MYO3B: variants seen among roughly 807,000 people sequenced by gnomAD.
MYO3B encodes the protein myosin-IIIb.
In MYO3B, 156 loss-of-function variants were observed where a neutral mutation model predicts 174.6. That is an observed-to-expected ratio of 0.89 (90% CI 0.78 to 1.02). MYO3B has a LOEUF of 1.02. Ranked by LOEUF, MYO3B falls within the 50% of genes least tolerant of loss-of-function variation. MYO3B has a pLI of 0.00. For missense variants in MYO3B, 1,632 were observed against 1,639.4 expected (o/e 1.00, Z 0.08); for synonymous variants, 563 against 569.1 (o/e 0.99, Z 0.15).
chr2:170,392,055 C>T (rs977514753), intron 15 of MYO3B, among the ~76,000 whole-genome samples: 5 of 144,412 alleles, frequency 3.5e-5, no homozygotes, highest in African/African-American at 1.3e-4. Flanking sequence ...CCTGGGAGGT[C>T]GAGGCTGCAG....
intron 32 of MYO3B, among the ~76,000 whole-genome samples, chr2:170,556,584 C>T (rs907131230): frequency 2.0e-5 from 3 of 152,110 alleles, no homozygotes; most frequent in African/African-American, 2.4e-5. Context: ...TACAATGGCA[C>T]GATCTTGGCT....
chr2:170,392,415 G>T lies in MYO3B; in HGVS notation c.1711G>T (p.Asp571Tyr), dbSNP rs371432418. The T allele has an allele frequency of 5.1e-5, 82 of 1,601,092 alleles. No individual in the cohort carries two copies. The highest frequency in any genetic ancestry group is 3.3e-4 in the Middle Eastern group (2 of 6,020). ...TGATGAAACTGGAAGGGTGATGCACGACATAACTTCCAAGGAGTCTTACAG... is the reference window on the plus strand; with the variant it reads ...TGATGAAACTGGAAGGGTGATGCACTACATAACTTCCAAGGAGTCTTACAG... ...IADETGRVMHDITSKESYRRQ... is the reference protein window; with the variant it reads ...IADETGRVMHYITSKESYRRQ... The change falls in exon 16 of 35, where the codon GAC becomes TAC. Residue 571 changes from aspartate to tyrosine, a missense_variant. Transcript: ENST00000408978.
intron 32 of MYO3B, among the ~76,000 whole-genome samples, chr2:170,625,854 T>C (rs1696373064): frequency 6.6e-6 from 1 of 152,234 alleles, no homozygotes; most frequent in South Asian, 2.1e-4. Flanking sequence ...TCCCACGTAG[T>C]TGAGCGGTTT....
intron 22 of MYO3B, among the ~76,000 whole-genome samples, chr2:170,409,668 C>T (rs540816017): frequency 6.6e-6 from 1 of 152,362 alleles, no homozygotes; most frequent in East Asian, 1.9e-4. Flanking sequence ...AGAACAGCTT[C>T]TAGTAATAAG....
chr2:170,402,996 G>A lies in MYO3B; in HGVS notation c.2277+1G>A, dbSNP rs2094487847. ...TCAGCATGTTTTTGCTCTTGAGCAG[G>A]TAATAGTGAACTCTGAGGTAACTAA... On this transcript the variant is annotated splice_donor_variant, in intron 19 of 34. Coordinates refer to ENST00000408978, the MANE Select transcript of MYO3B (RefSeq NM_138995.5). LOFTEE classifies it high-confidence loss of function. 3 of 1,587,244 alleles carry A rather than the reference G, an allele frequency of 1.9e-6. No individual in the cohort carries two copies. The highest frequency in any genetic ancestry group is 1.1e-5 in the South Asian group (1 of 88,048).
chr2:170,606,820 A>G (rs1183876428), intron 32 of MYO3B, among the ~76,000 whole-genome samples: 1 of 152,198 alleles, frequency 6.6e-6, no homozygotes, highest in South Asian at 2.1e-4. Context: ...TGGGAGTTCA[A>G]GACTAGCCTG....
At position 170,400,184 on chromosome 2, in the gene MYO3B, T is replaced by C; in HGVS notation, c.1792-4T>C. 6.2e-7 allele frequency: 1 copy of C among 1,614,092 alleles called. No individual in the cohort carries two copies. Among genetic ancestry groups the C allele is most frequent in the Non-Finnish European group, 8.5e-7 (1 of 1,179,968 alleles). Reference sequence around the variant, plus strand: ...TCATATATGGTTCTTGATGTCCTTTTCAGGAGGTGCACTCAGTGTACAGAA... The same window carrying C: ...TCATATATGGTTCTTGATGTCCTTTCCAGGAGGTGCACTCAGTGTACAGAA... On this transcript the variant is annotated splice_polypyrimidine_tract_variant and splice_region_variant and intron_variant, in intron 16 of 34. Transcript: ENST00000408978.
intron 7 of MYO3B, among the ~76,000 whole-genome samples, chr2:170,321,634 G>A (rs368587053): frequency 6.6e-6 from 1 of 152,194 alleles, no homozygotes; most frequent in Non-Finnish European, 1.5e-5. Context: ...CACAACTAGA[G>A]TGAAGTGAGA....
intron 7 of MYO3B, among the ~76,000 whole-genome samples, chr2:170,331,771 A>G (rs1216556061): frequency 1.3e-5 from 2 of 152,158 alleles, no homozygotes; most frequent in Non-Finnish European, 2.9e-5. Context: ...TCTTTGCTAG[A>G]TATCGGCTGA....
intron 7 of MYO3B, among the ~76,000 whole-genome samples, chr2:170,315,352 C>G (rs777932994): frequency 2.4e-4 from 36 of 151,680 alleles, no homozygotes; most frequent in Non-Finnish European, 4.3e-4. Context: ...CGCTCTGTTG[C>G]CCAGGATGGA....
chr2:170,567,388 G>A (rs191889756), intron 32 of MYO3B, among the ~76,000 whole-genome samples: 10 of 152,248 alleles, frequency 6.6e-5, no homozygotes, highest in African/African-American at 2.4e-4. Context: ...ACTGATTTTA[G>A]TTGATGCTAG....
At chr2:170,298,989 A>G (rs979418659) in intron 7 of MYO3B, among the ~76,000 whole-genome samples, 1 of 152,182 alleles carries the variant, frequency 6.6e-6, no homozygotes, top group Non-Finnish European at 1.5e-5. Context: ...AGGCTATATG[A>G]TATAGCCTAG....
intron 7 of MYO3B, among the ~76,000 whole-genome samples, chr2:170,281,453 G>C (rs779458536): frequency 1.3e-4 from 20 of 152,104 alleles, no homozygotes; most frequent in Non-Finnish European, 2.5e-4. Flanking sequence ...TAGGATTCAA[G>C]ACTAAGCAAA....
intron 32 of MYO3B, among the ~76,000 whole-genome samples, chr2:170,569,070 A>G (rs1008022158): frequency 3.9e-5 from 6 of 152,116 alleles, no homozygotes; most frequent in African/African-American, 7.2e-5. Context: ...AAGCAAACAC[A>G]TAGAAATAAT....
chr2:170,485,422 G>GAA (rs1238801629), intron 25 of MYO3B, among the ~76,000 whole-genome samples: 1 of 121,130 alleles, frequency 8.3e-6, no homozygotes, highest in Non-Finnish European at 1.8e-5. Flanking sequence ...CACACACACA[G>GAA]AGAGAGAGAG....
intron 22 of MYO3B, among the ~76,000 whole-genome samples, chr2:170,409,592 G>A (rs1416596690): frequency 2.0e-5 from 3 of 152,154 alleles, no homozygotes; most frequent in African/African-American, 7.2e-5. Context: ...AAACTTATAA[G>A]CATGATTGTG....
intron 32 of MYO3B, among the ~76,000 whole-genome samples, chr2:170,643,140 C>A (rs571114943): frequency 6.6e-6 from 1 of 152,166 alleles, no homozygotes; most frequent in South Asian, 2.1e-4. Flanking sequence ...CTTCAAAAAC[C>A]TGAATTCTCA....
chr2:170,326,500 T>C (rs2176592), intron 7 of MYO3B, among the ~76,000 whole-genome samples: 42,151 of 151,996 alleles, frequency 0.28, 6,339 homozygotes, highest in South Asian at 0.38. Context: ...GCCGAGTTCT[T>C]ATTGAAGGAG....
intron 7 of MYO3B, among the ~76,000 whole-genome samples, chr2:170,312,040 T>C (rs556438736): frequency 7.4e-4 from 113 of 152,352 alleles, no homozygotes; most frequent in African/African-American, 2.6e-3. Context: ...GTGTGAGTGC[T>C]CTTTTCTTAT....
Sources: gnomAD v4.1 joint callset for allele counts (sites outside exome capture counted in the v4.1 genomes callset) on GRCh38, gnomAD v4.1.1 for gene constraint, MANE v1.5 for transcripts, NCBI Gene and HGNC (gene_info 2026-07-23, HGNC 2026-07-21) for gene names.